VGLL3: variants seen among roughly 807,000 people sequenced by gnomAD.
VGLL3 encodes the protein transcription cofactor vestigial-like protein 3.
VGLL3 carries 18 observed loss-of-function variants against 29.2 expected under a neutral mutation model. The observed-to-expected ratio is 0.62, with a 90% confidence interval of 0.43 to 0.91. The LOEUF (loss-of-function observed/expected upper bound fraction) is 0.91, where lower values mean the gene tolerates loss of function less well. Ranked by LOEUF, VGLL3 falls within the 40% of genes least tolerant of loss-of-function variation. The pLI, the probability that VGLL3 is intolerant of heterozygous loss-of-function variation, is 0.00. For synonymous variants in VGLL3, 180 were observed against 151.8 expected, an observed-to-expected ratio of 1.19 and a Z score of -1.36; for missense variants, 440 against 413.2, an observed-to-expected ratio of 1.06 and a Z score of -0.56.
At chr3:86,979,566 T>A (rs1199759434) in intron 1 of VGLL3, among the ~76,000 whole-genome samples, 1 of 152,132 alleles carries the variant, frequency 6.6e-6, no homozygotes, top group Non-Finnish European at 1.5e-5. Flanking sequence ...CTAATAATAA[T>A]ATACATTATT....
chr3:86,983,413 G>A (rs1156521572), intron 1 of VGLL3, among the ~76,000 whole-genome samples: 1 of 152,062 alleles, frequency 6.6e-6, no homozygotes, highest in African/African-American at 2.4e-5. Context: ...GCTCTCATTT[G>A]CACTCATTGC....
At chr3:86,987,656 C>G (rs1219560662) in intron 1 of VGLL3, among the ~76,000 whole-genome samples, 2 of 152,152 alleles carry the variant, frequency 1.3e-5, no homozygotes, top group African/African-American at 4.8e-5. Context: ...AATTTTGGCT[C>G]TATAAACCCC....
intron 3 of VGLL3, among the ~76,000 whole-genome samples, chr3:86,960,757 G>T (rs1380805430): frequency 1.3e-5 from 2 of 152,010 alleles, no homozygotes; most frequent in East Asian, 3.9e-4. Flanking sequence ...TATAATCACA[G>T]TTTGGGGCCA....
In VGLL3 at chr3:86,978,739, C is replaced by T. The variant is rs753313854; in HGVS notation, c.190G>A (p.Glu64Lys). ...SLEVTLPSKQEEEDEEEEEEE... is the reference protein window; with the variant it reads ...SLEVTLPSKQKEEDEEEEEEE... ...TCCTCCTCCTCCTCATCCTCCTCCTCTTGTTTGCTGGGAAGGGTGACTTCC... is the reference window on the plus strand; with the variant it reads ...TCCTCCTCCTCCTCATCCTCCTCCTTTTGTTTGCTGGGAAGGGTGACTTCC... Residue 64 changes from glutamate (E) to lysine (K), a missense_variant, in exon 2 of 4, where the codon GAG (glutamate) becomes AAG (lysine). By Grantham distance (56) the Glu-to-Lys change is moderately conservative (BLOSUM62 1). Transcript: ENST00000398399. The T allele has an allele frequency of 6.2e-7, 1 of 1,614,036 alleles. No homozygotes were observed. Among genetic ancestry groups the T allele is most frequent in the Non-Finnish European group, 8.5e-7 (1 of 1,179,964 alleles).
At chr3:86,954,406 C>T (rs1465009260) in intron 3 of VGLL3, among the ~76,000 whole-genome samples, 2 of 152,166 alleles carry the variant, frequency 1.3e-5, no homozygotes, top group African/African-American at 2.4e-5. Context: ...GTACCCACCT[C>T]CCTCCAAAAA....
At chr3:86,986,046 T>TAC (rs934349412) in intron 1 of VGLL3, among the ~76,000 whole-genome samples, 2 of 98,188 alleles carry the variant, frequency 2.0e-5, no homozygotes, top group African/African-American at 5.2e-5. Flanking sequence ...CACACACGTA[T>TAC]ACACACACAC....
intron 3 of VGLL3, among the ~76,000 whole-genome samples, chr3:86,949,169 G>A (rs1475950177): frequency 6.6e-6 from 1 of 152,104 alleles, no homozygotes; most frequent in Non-Finnish European, 1.5e-5. Context: ...AAAGACATAT[G>A]ACTATTTCAA....
intron 3 of VGLL3, among the ~76,000 whole-genome samples, chr3:86,966,306 C>G (rs1043375858): frequency 5.9e-5 from 9 of 152,098 alleles, no homozygotes; most frequent in Non-Finnish European, 1.0e-4. Flanking sequence ...GTTCCAGAAT[C>G]TAAATTTAGC....
intron 3 of VGLL3, among the ~76,000 whole-genome samples, chr3:86,953,541 AT>A (rs1704655455): frequency 1.3e-5 from 2 of 152,170 alleles, no homozygotes; most frequent in Non-Finnish European, 2.9e-5. Flanking sequence ...TTACATTTAC[AT>A]ATTTAATTGT....
chr3:86,965,917 T>C (rs1225389526), intron 3 of VGLL3, among the ~76,000 whole-genome samples: 3 of 152,158 alleles, frequency 2.0e-5, no homozygotes, highest in African/African-American at 7.2e-5. Context: ...ACCCCATAAA[T>C]TGTCTACAAG....
intron 1 of VGLL3, among the ~76,000 whole-genome samples, chr3:86,981,013 T>C (rs1705314781): frequency 6.6e-6 from 1 of 152,154 alleles, no homozygotes; most frequent in Non-Finnish European, 1.5e-5. Context: ...GTAACATTCA[T>C]TCTTTAAATA....
rs531858282 is a variant in VGLL3 at position 86,972,092 on chromosome 3, C to T, written c.404-2969G>A. On this transcript the variant is annotated intron_variant, in intron 2 of 3. Transcript: ENST00000398399. ...AGTCTCATTTATATGTACATGGAGC[C>T]AATCTTATTTTATAGATGCTTATGC... is the stretch of plus-strand genomic sequence containing the variant. Among the ~76,000 whole-genome samples, 9 of 152,252 alleles carry T rather than the reference C, an allele frequency of 5.9e-5. No homozygotes were observed. The South Asian group carries it at 1.9e-3, about 32-fold the overall frequency.
chr3:86,981,083 G>A (rs993664890), intron 1 of VGLL3, among the ~76,000 whole-genome samples: 1 of 152,024 alleles, frequency 6.6e-6, no homozygotes, highest in South Asian at 2.1e-4. Flanking sequence ...ATCCTTAATT[G>A]ACAGCAATTA....
In VGLL3 at chr3:86,947,004, A is replaced by G. The variant is rs1025280536; in HGVS notation, c.*20T>C. The G allele has an allele frequency of 1.3e-6, 1 of 778,764 alleles. No homozygotes were observed. The highest frequency in any genetic ancestry group is 2.4e-6 in the Non-Finnish European group (1 of 417,018). 48.2% of individuals were successfully genotyped at this position (778,764 alleles called of 1,614,324 possible). On this transcript the variant is annotated 3_prime_UTR_variant, in exon 4 of 4. Transcript: ENST00000398399. The stretch of plus-strand genomic sequence containing the variant: ...GCCCTTGGATTTATGCTGCAACTTA[A>G]CTCACTAAGATTGTGTGTTTCAGTA...
At chr3:86,956,225 G>A (rs761338170) in intron 3 of VGLL3, among the ~76,000 whole-genome samples, 3 of 152,220 alleles carry the variant, frequency 2.0e-5, no homozygotes, top group Admixed American at 6.5e-5. Flanking sequence ...ATGAGAAACA[G>A]CAAAGCTGAA....
At chr3:86,964,136 C>T (rs957368894) in intron 3 of VGLL3, among the ~76,000 whole-genome samples, 5 of 152,212 alleles carry the variant, frequency 3.3e-5, no homozygotes, top group South Asian at 2.1e-4. Context: ...TTTGATGACA[C>T]GTGAGAAATA....
intron 3 of VGLL3, among the ~76,000 whole-genome samples, chr3:86,958,957 T>C (rs1415657132): frequency 1.3e-5 from 2 of 152,186 alleles, no homozygotes; most frequent in Non-Finnish European, 2.9e-5. Flanking sequence ...TGTGAAGCAA[T>C]CGGGTGTTGA....
At chr3:86,952,891 A>G (rs954898297) in intron 3 of VGLL3, among the ~76,000 whole-genome samples, 1 of 152,152 alleles carries the variant, frequency 6.6e-6, no homozygotes, top group Admixed American at 6.5e-5. Context: ...ACTATTTTCT[A>G]TTACTTTATG....
At chr3:86,988,297 T>C (rs1237061512) in intron 1 of VGLL3, among the ~76,000 whole-genome samples, 1 of 151,976 alleles carries the variant, frequency 6.6e-6, no homozygotes, top group African/African-American at 2.4e-5. Flanking sequence ...CTTACTTTTG[T>C]CTCCCAGGCA....
Sources: allele counts gnomAD v4.1 joint callset (sites outside exome capture counted in the v4.1 genomes callset), GRCh38; gene constraint gnomAD v4.1.1; transcripts MANE v1.5; gene names NCBI Gene and HGNC (gene_info 2026-07-23, HGNC 2026-07-21).